Variants in NDFIP2 observed in about 807,000 individuals in gnomAD.
NDFIP2 encodes the protein Nedd4 family interacting protein 2, also known as NEDD4 family-interacting protein 2.
Under a neutral mutation model 36.0 loss-of-function variants are expected in NDFIP2, and 19 were observed. The ratio of observed to expected loss-of-function variants is 0.53; its 90% CI spans 0.37 to 0.77. The LOEUF (loss-of-function observed/expected upper bound fraction) is 0.77, where lower values mean the gene tolerates loss of function less well. Ranked by LOEUF, NDFIP2 falls within the 30% of genes least tolerant of loss-of-function variation. The probability of loss-of-function intolerance (pLI) is 0.00; values close to 1 mark genes in which losing one functional copy is unlikely to be tolerated. For synonymous variants in NDFIP2, 181 were observed against 167.7 expected, an observed-to-expected ratio of 1.08 and a Z score of -0.61; for missense variants, 446 against 435.8, an observed-to-expected ratio of 1.02 and a Z score of -0.21.
intron 3 of NDFIP2, among the ~76,000 whole-genome samples, chr13:79,539,223 T>A (rs1272609276): frequency 6.6e-6 from 1 of 152,204 alleles, no homozygotes; most frequent in African/African-American, 2.4e-5. Flanking sequence ...TGTGTGTGTG[T>A]GTATACATAT....
intron 1 of NDFIP2, among the ~76,000 whole-genome samples, chr13:79,490,676 C>A (rs1333594111): frequency 1.3e-5 from 2 of 152,124 alleles, no homozygotes; most frequent in African/African-American, 4.8e-5. Context: ...AGTTTGCCCA[C>A]CCCAATGTAG....
chr13:79,492,279 A>G (rs1287321013), intron 1 of NDFIP2, among the ~76,000 whole-genome samples: 3 of 90,870 alleles, frequency 3.3e-5, no homozygotes, highest in African/African-American at 8.6e-5. Flanking sequence ...TCCTTTCTTT[A>G]TAAGTGTTCA....
intron 1 of NDFIP2, among the ~76,000 whole-genome samples, chr13:79,518,202 G>T (rs1486663804): frequency 1.3e-5 from 2 of 152,174 alleles, no homozygotes; most frequent in Admixed American, 1.3e-4. Context: ...GTCATTTAGT[G>T]CCTACTTGGA....
intron 6 of NDFIP2, among the ~76,000 whole-genome samples, chr13:79,548,951 G>C (rs954242983): frequency 2.0e-5 from 3 of 151,714 alleles, no homozygotes; most frequent in African/African-American, 4.8e-5. Context: ...GTTCCCTTTT[G>C]TTTTTTACCT....
chr13:79,529,270 A>C (rs1366099865), intron 2 of NDFIP2, among the ~76,000 whole-genome samples: 2 of 152,214 alleles, frequency 1.3e-5, no homozygotes, highest in African/African-American at 4.8e-5. Flanking sequence ...GTAAAATTTA[A>C]AAGTGAAAAT....
chr13:79,532,488 A>G (rs1249596441), intron 2 of NDFIP2, among the ~76,000 whole-genome samples: 1 of 152,088 alleles, frequency 6.6e-6, no homozygotes, highest in Non-Finnish European at 1.5e-5. Context: ...TTACTTTATT[A>G]CTTATGTTGT....
intron 1 of NDFIP2, among the ~76,000 whole-genome samples, chr13:79,503,528 T>C (rs1873747665): frequency 6.6e-6 from 1 of 152,048 alleles, no homozygotes; most frequent in South Asian, 2.1e-4. Flanking sequence ...ATGAAAAATG[T>C]TGAGGCCAGA....
chr13:79,509,675 C>T (rs1413969868), intron 1 of NDFIP2, among the ~76,000 whole-genome samples: 1 of 99,494 alleles, frequency 1.0e-5, no homozygotes, highest in East Asian at 3.3e-4. Context: ...TGTATATTAT[C>T]GATATATATA....
At chr13:79,516,024 G>A (rs28546558) in intron 1 of NDFIP2, among the ~76,000 whole-genome samples, 11,432 of 151,540 alleles carry the variant, frequency 0.075, 697 homozygotes, top group East Asian at 0.17. Flanking sequence ...AGAGGTTCAT[G>A]ATATATAGAT....
chr13:79,531,505 T>C (rs946268211), intron 2 of NDFIP2, among the ~76,000 whole-genome samples: 2 of 152,216 alleles, frequency 1.3e-5, no homozygotes, highest in African/African-American at 4.8e-5. Context: ...TCATCTACAT[T>C]GAAAATCTGT....
intron 1 of NDFIP2, among the ~76,000 whole-genome samples, chr13:79,485,631 C>T (rs1019523789): frequency 1.3e-5 from 2 of 152,098 alleles, no homozygotes; most frequent in Non-Finnish European, 2.9e-5. Context: ...TCTTACCACA[C>T]CTCTTTTACA....
chr13:79,481,468 G>A lies in NDFIP2; in HGVS notation c.265G>A (p.Asp89Asn). Reference protein sequence around the residue: ...HGEDSLSRKPDPEPGRMDHHQ... With the variant: ...HGEDSLSRKPNPEPGRMDHHQ... ...AGAAGACTCCCTCTCTCGGAAGCCG[G>A]ATCCCGAGCCGGGCAGGATGGATCA... The change falls in exon 1 of 8, where the codon GAT becomes AAT. Residue 89 changes from aspartate to asparagine, a missense_variant. Physicochemically the swap from Asp to Asn is conservative, Grantham distance 23. Around this residue, in one of 2 missense-constraint regions of NDFIP2, gnomAD observed 369 missense variants for 304.8 expected, o/e 1.21. Coordinates refer to ENST00000218652, the MANE Select transcript of NDFIP2 (RefSeq NM_019080.3). 6 of 1,563,528 alleles carry A rather than the reference G, an allele frequency of 3.8e-6. No individual in the cohort carries two copies. The highest frequency in any genetic ancestry group is 5.2e-6 in the Non-Finnish European group (6 of 1,153,502).
At chr13:79,528,875 G>A (rs1173293696) in intron 2 of NDFIP2, among the ~76,000 whole-genome samples, 1 of 152,134 alleles carries the variant, frequency 6.6e-6, no homozygotes, top group African/African-American at 2.4e-5. Flanking sequence ...CTTAACACAT[G>A]TCTCAGAACA....
intron 1 of NDFIP2, among the ~76,000 whole-genome samples, chr13:79,490,881 GA>G (rs1171980952): frequency 6.6e-6 from 1 of 152,176 alleles, no homozygotes; most frequent in Non-Finnish European, 1.5e-5. Flanking sequence ...GATATGAGTG[GA>G]TAGTAGAAGA....
At chr13:79,501,220 G>A (rs1873653926) in intron 1 of NDFIP2, among the ~76,000 whole-genome samples, 2 of 152,076 alleles carry the variant, frequency 1.3e-5, no homozygotes, top group African/African-American at 2.4e-5. Context: ...AAAGTACTCT[G>A]TATGATACTG....
chr13:79,541,321 G>T lies in NDFIP2; in HGVS notation c.715+1546G>T, dbSNP rs1489595633. On this transcript the variant is annotated intron_variant, in intron 4 of 7. Transcript: ENST00000218652. The stretch of plus-strand genomic sequence containing the variant: ...TTTTTAGATTTGAAGCCCTTTCACT[G>T]ATGTGTTATAAATGCATGGTAACTT... Among the ~76,000 whole-genome samples the T allele has an allele frequency of 9.2e-5, 14 of 151,544 alleles. No homozygotes were observed. In the East Asian group the frequency reaches 2.5e-3, roughly 27 times the overall value.
At chr13:79,550,678 G>C (rs755380513) in intron 6 of NDFIP2, among the ~76,000 whole-genome samples, 8 of 151,412 alleles carry the variant, frequency 5.3e-5, no homozygotes, top group Non-Finnish European at 8.9e-5. Context: ...TTGAGCCCAT[G>C]GGTTCAATGG....
rs972975982 is a variant in NDFIP2 at position 79,481,337 on chromosome 13, G to A, written c.134G>A (p.Gly45Glu). ...EVSAAAAGAT[G>E]SEELPPGDRG... is the part of the protein sequence containing the mutation. ...TCGGCGGCCGCTGCGGGAGCCACAG[G>A]AAGTGAAGAGCTTCCGCCGGGAGAC... The change falls in exon 1 of 8, where the codon GGA (glycine) becomes GAA (glutamate). Residue 45 changes from glycine to glutamate, a missense_variant. Physicochemically the swap from Gly to Glu is moderately conservative, Grantham distance 98 (BLOSUM62 -2). Transcript: ENST00000218652. 1.0e-5 allele frequency: 16 copies of A among 1,547,898 alleles called. No individual in the cohort carries two copies. The highest frequency in any genetic ancestry group is 1.3e-5 in the Non-Finnish European group (15 of 1,147,410).
chr13:79,512,521 A>C (rs1451628813), intron 1 of NDFIP2, among the ~76,000 whole-genome samples: 1 of 152,126 alleles, frequency 6.6e-6, no homozygotes, highest in Non-Finnish European at 1.5e-5. Context: ...CTGTCTCCCC[A>C]GTTTAGGTTC....
Sources: gnomAD v4.1 joint callset for allele counts (sites outside exome capture counted in the v4.1 genomes callset) on GRCh38, gnomAD v4.1.1 for gene constraint, gnomAD v4.1.1 regional missense constraint, MANE v1.5 for transcripts, NCBI Gene and HGNC (gene_info 2026-07-23, HGNC 2026-07-21) for gene names.